The following MACROD2 variants were observed in gnomAD, a reference collection of about 807,000 sequenced individuals.
MACROD2 encodes the protein mono-ADP ribosylhydrolase 2, also known as ADP-ribose glycohydrolase MACROD2.
In MACROD2, 36 loss-of-function variants were observed where a neutral mutation model predicts 70.4. The observed-to-expected ratio is 0.51, with a 90% CI of 0.39 to 0.68. The LOEUF (loss-of-function observed/expected upper bound fraction) is 0.68. Ranked by LOEUF, MACROD2 falls within the 30% of genes least tolerant of loss-of-function variation. The pLI, the probability that MACROD2 is intolerant of heterozygous loss-of-function variation, is 0.00. For missense variants in MACROD2, 496 were observed against 538.4 expected (o/e 0.92, Z 0.78); for synonymous variants, 172 against 178.8 (o/e 0.96, Z 0.30).
At position 15,490,693 on chromosome 20, in the gene MACROD2, A is replaced by C. The variant is rs145394659; in HGVS notation, c.572-9081A>C. ...TTTGAGAGAGAAAGTGGGACCAGGG[A>C]GCCATCACGAGTGGGGAGGCTACGA... On this transcript the variant is annotated intron_variant, in intron 7 of 17. Coordinates refer to ENST00000684519, the MANE Select transcript of MACROD2 (RefSeq NM_001351661.2). Among the ~76,000 whole-genome samples, 309 of 152,282 alleles carry C rather than the reference A, an allele frequency of 2.0e-3. 1 individual carries two copies. Among genetic ancestry groups the C allele is most frequent in the African/African-American group, 7.1e-3 (297 of 41,562 alleles).
chr20:15,685,087 TAATAA>T (rs2050209408), intron 8 of MACROD2, among the ~76,000 whole-genome samples: 2 of 152,292 alleles, frequency 1.3e-5, no homozygotes, highest in African/African-American at 4.8e-5. Flanking sequence ...TAAGGATCAT[TAATAA>T]AATAGAGTCT....
chr20:15,124,792 T>C (rs1228451593), intron 5 of MACROD2, among the ~76,000 whole-genome samples: 2 of 152,096 alleles, frequency 1.3e-5, no homozygotes, highest in Non-Finnish European at 1.5e-5. Flanking sequence ...CTGGCTTTCT[T>C]TGTATTGAAA....
intron 6 of MACROD2, among the ~76,000 whole-genome samples, chr20:15,338,907 C>A (rs2078077738): frequency 6.6e-6 from 1 of 151,694 alleles, no homozygotes; most frequent in African/African-American, 2.4e-5. Flanking sequence ...ATGATGTTCA[C>A]AATTTAGATG....
intron 5 of MACROD2, among the ~76,000 whole-genome samples, chr20:14,791,098 G>A (rs923554653): frequency 1.6e-4 from 24 of 152,036 alleles, no homozygotes; most frequent in Non-Finnish European, 7.3e-5. Flanking sequence ...GAAATTTCAC[G>A]TGGCTATATG....
At chr20:14,155,114 G>GAGT (rs2055082142) in intron 3 of MACROD2, among the ~76,000 whole-genome samples, 2 of 152,068 alleles carry the variant, frequency 1.3e-5, no homozygotes, top group Non-Finnish European at 2.9e-5. Context: ...GTCCTAGTGA[G>GAGT]AGTCATTCCT....
At chr20:15,082,220 GGAGAA>G (rs1462224346) in intron 5 of MACROD2, among the ~76,000 whole-genome samples, 1 of 152,172 alleles carries the variant, frequency 6.6e-6, no homozygotes, top group East Asian at 1.9e-4. Flanking sequence ...CAGAATTCAT[GGAGAA>G]GAGGAGAGGA....
chr20:16,035,744 G>T (rs2067226013), intron 15 of MACROD2, among the ~76,000 whole-genome samples: 1 of 150,206 alleles, frequency 6.7e-6, no homozygotes, highest in African/African-American at 2.5e-5. Flanking sequence ...ATGGATATTA[G>T]GATCAACTGC....
Position 14,877,929 on chromosome 20 carries a change from G to A in MACROD2, c.418+192970G>A, listed in dbSNP as rs148363898. ...CGTTCATCAGGGATATTGGCTTGTC[G>A]TTTTCTTTTCTCACTGTGTCTTTGC... On this transcript the variant is annotated intron_variant, in intron 5 of 17. Transcript: ENST00000684519. Among the ~76,000 whole-genome samples, 589 of 152,102 alleles carry A rather than the reference G, an allele frequency of 3.9e-3. 4 individuals are homozygous for A. Among genetic ancestry groups the A allele is most frequent in the African/African-American group, 0.013 (550 of 41,508 alleles).
intron 5 of MACROD2, among the ~76,000 whole-genome samples, chr20:15,121,833 A>G (rs549669966): frequency 6.6e-6 from 1 of 152,298 alleles, no homozygotes; most frequent in South Asian, 2.1e-4. Flanking sequence ...AATTTCTGAA[A>G]CTAGGATGAT....
intron 4 of MACROD2, among the ~76,000 whole-genome samples, chr20:14,555,175 C>T (rs1464404324): frequency 6.6e-6 from 1 of 151,994 alleles, no homozygotes; most frequent in Admixed American, 6.6e-5. Flanking sequence ...CCCCATTCTC[C>T]ATGATGTGAT....
At chr20:14,881,239 G>T (rs1346998617) in intron 5 of MACROD2, among the ~76,000 whole-genome samples, 1 of 150,726 alleles carries the variant, frequency 6.6e-6, no homozygotes, top group Non-Finnish European at 1.5e-5. Flanking sequence ...GAGCCAGTCA[G>T]CCTGGGTTCT....
chr20:15,496,061 A>G (rs991048281), intron 7 of MACROD2, among the ~76,000 whole-genome samples: 6 of 152,178 alleles, frequency 3.9e-5, no homozygotes, highest in African/African-American at 1.2e-4. Context: ...GCAACATGAG[A>G]TGAGACTAGA....
intron 3 of MACROD2, among the ~76,000 whole-genome samples, chr20:14,148,697 G>A (rs1256196503): frequency 6.6e-6 from 1 of 152,180 alleles, no homozygotes; most frequent in Non-Finnish European, 1.5e-5. Flanking sequence ...AGAAGCTGGT[G>A]TTGTATTATG....
At chr20:14,384,171 AGTCT>A (rs2083449094) in intron 3 of MACROD2, among the ~76,000 whole-genome samples, 1 of 152,138 alleles carries the variant, frequency 6.6e-6, no homozygotes, top group Non-Finnish European at 1.5e-5. Context: ...TGATGACTAC[AGTCT>A]AGTTGATACT....
intron 5 of MACROD2, among the ~76,000 whole-genome samples, chr20:14,970,257 T>C (rs900596190): frequency 5.3e-5 from 8 of 152,118 alleles, no homozygotes; most frequent in African/African-American, 1.7e-4. Flanking sequence ...CTGGGGATTA[T>C]GGGAACTACA....
chr20:15,658,880 A>G (rs416842), intron 8 of MACROD2, among the ~76,000 whole-genome samples: 86,820 of 152,018 alleles, frequency 0.57, 25,188 homozygotes, highest in East Asian at 0.84. Context: ...AGTGCCTGCA[A>G]CAATACTGTC....
intron 5 of MACROD2, among the ~76,000 whole-genome samples, chr20:14,765,251 C>T (rs947302031): frequency 8.6e-5 from 13 of 152,020 alleles, no homozygotes; most frequent in South Asian, 2.1e-4. Context: ...CTCTTTCTCC[C>T]CTACACCCAT....
At position 14,437,931 on chromosome 20, in the gene MACROD2, C is replaced by T. The variant is rs372227751; in HGVS notation, c.272-55548C>T. ...ACATATTCATTATCTCACATAGTTA[C>T]CCATTCCCCCTACAGTGACAAGAAC... On this transcript the variant is annotated intron_variant, in intron 3 of 17. Transcript: ENST00000684519. Among the ~76,000 whole-genome samples the T allele has an allele frequency of 1.5e-4, 23 of 152,156 alleles. 1 individual carries two copies. The South Asian group carries it at 4.4e-3, about 29-fold the overall frequency.
At chr20:15,702,779 C>G (rs1035340102) in intron 8 of MACROD2, among the ~76,000 whole-genome samples, 4 of 152,092 alleles carry the variant, frequency 2.6e-5, no homozygotes, top group Non-Finnish European at 5.9e-5. Context: ...TTAGAAAAAA[C>G]TATTCTAAAG....
Sources: gnomAD v4.1 joint callset for allele counts (sites outside exome capture counted in the v4.1 genomes callset) on GRCh38, gnomAD v4.1.1 for gene constraint, MANE v1.5 for transcripts, NCBI Gene and HGNC (gene_info 2026-07-23, HGNC 2026-07-21) for gene names.